HTT: variants seen among roughly 807,000 people sequenced by gnomAD.
The protein encoded by HTT is huntington disease protein.
HTT carries 104 observed loss-of-function variants against 362.3 expected under a neutral mutation model. That is an observed-to-expected ratio of 0.29 (90% confidence interval 0.24 to 0.34). HTT has a LOEUF of 0.34. Ranked by LOEUF, HTT falls within the 10% of genes least tolerant of loss-of-function variation. The pLI, the probability that HTT is intolerant of heterozygous loss-of-function variation, is 1.00. For missense variants in HTT, 3,301 were observed against 3,928.6 expected, an observed-to-expected ratio of 0.84 and a Z score of 4.27; for synonymous variants, 1,577 against 1,548.7, an observed-to-expected ratio of 1.02 and a Z score of -0.43.
At chr4:3,223,636 C>A in intron 55 of HTT, 76 bp downstream of exon 55, 1 of 1,291,758 alleles carries the variant, frequency 7.7e-7, no homozygotes, top group Non-Finnish European at 1.1e-6. Flanking sequence ...AAGCGTCCAG[C>A]AGCTTCAACC....
intron 2 of HTT, 33 bp from the exon 3 acceptor site, chr4:3,099,241 C>T (rs770558856): frequency 1.3e-6 from 2 of 1,491,288 alleles, no homozygotes; most frequent in South Asian, 1.1e-5. Context: ...ACCTTAGGCT[C>T]CTCTTGACAG....
intron 39 of HTT, 147 bp downstream of exon 39, chr4:3,188,033 C>T (rs1039319164): frequency 2.8e-5 from 17 of 607,090 alleles, no homozygotes; most frequent in Middle Eastern, 4.3e-4. Context: ...TTTTCTAATC[C>T]GTCCTGCATT....
chr4:3,147,949 A>G, intron 25 of HTT, 56 bp from the exon 26 acceptor site: 4 of 1,416,698 alleles, frequency 2.8e-6, no homozygotes, highest in Non-Finnish European at 3.9e-6. Flanking sequence ...TCCCCAAGCA[A>G]TTTGTCCTTC....
Position 3,127,318 on chromosome 4 carries a change from C to A in HTT, c.1457C>A (p.Thr486Asn). 12 of 1,614,206 alleles carry A rather than the reference C, an allele frequency of 7.4e-6. No individual in the cohort carries two copies. The highest frequency in any genetic ancestry group is 1.0e-5 in the Non-Finnish European group (12 of 1,180,032). Residue 486 changes from threonine (T) to asparagine (N), a missense_variant, in exon 12 of 67, where the codon ACT (threonine) becomes AAT (asparagine). Coordinates refer to ENST00000355072, the MANE Select transcript of HTT (RefSeq NM_001388492.1). ...GELAASSGVS[T>N]PGSAGHDIIT... ...CTGGCTGCTTCTTCAGGGGTTTCCA[C>A]TCCAGGGTCAGCAGGTCATGACATC...
At chr4:3,113,233 A>T (rs1217844645) in intron 6 of HTT, among the ~76,000 whole-genome samples, 1 of 152,110 alleles carries the variant, frequency 6.6e-6, no homozygotes, top group African/African-American at 2.4e-5. Flanking sequence ...ACTAAATTTT[A>T]TTCTTTATTA....
At chr4:3,209,148 A>G (rs1210336042) in intron 46 of HTT, among the ~76,000 whole-genome samples, 1 of 152,160 alleles carries the variant, frequency 6.6e-6, no homozygotes, top group African/African-American at 2.4e-5. Flanking sequence ...TGGGTGAATC[A>G]AGGAATAGTC....
chr4:3,134,226 T>G (rs363066), intron 18 of HTT, among the ~76,000 whole-genome samples, 175 bp from the exon 19 acceptor site: 35,509 of 152,158 alleles, frequency 0.23, 5,379 homozygotes, highest in East Asian at 0.39. Flanking sequence ...TTGTATTTAC[T>G]GAGATAAAGT....
chr4:3,148,237 A>C, intron 26 of HTT, 30 bp downstream of exon 26: 4 of 1,470,958 alleles, frequency 2.7e-6, no homozygotes, highest in Non-Finnish European at 2.8e-6. Flanking sequence ...CTGGATTCAT[A>C]CAGCCTTAAT....
Position 3,236,461 on chromosome 4 carries a change from T to C in HTT, c.8891+207T>C, listed in dbSNP as rs796581393. 3.3e-5 allele frequency among the ~76,000 whole-genome samples: 5 copies of C among 152,158 alleles called. No homozygotes were observed. The East Asian group carries it at 9.6e-4, about 29-fold the overall frequency. On this transcript the variant is annotated intron_variant, in intron 64 of 66. Coordinates refer to ENST00000355072, the MANE Select transcript of HTT (RefSeq NM_001388492.1). ...TGGACCCCAGCACTCAGGTGTAGCG[T>C]TGACCAGTTCCAAGGTTGTCCCAGT...
At position 3,145,236 on chromosome 4, in the gene HTT, T is replaced by C. The variant is rs1716542385; in HGVS notation, c.3143+8T>C. 1 of 1,561,864 alleles carries C rather than the reference T, an allele frequency of 6.4e-7. No individual in the cohort carries two copies. Among genetic ancestry groups the C allele is most frequent in the Non-Finnish European group, 8.8e-7 (1 of 1,132,358 alleles). On this transcript the variant is annotated splice_region_variant and intron_variant, in intron 24 of 66. Coordinates refer to ENST00000355072, the MANE Select transcript of HTT (RefSeq NM_001388492.1). ...TTTAGGTTGGCACTGTGGGTATGTA[T>C]TTTCCTCAGTATATATTAATAGTTG...
At chr4:3,094,108 T>C (rs1210939763) in intron 2 of HTT, among the ~76,000 whole-genome samples, 2 of 151,126 alleles carry the variant, frequency 1.3e-5, no homozygotes, top group Admixed American at 1.3e-4. Flanking sequence ...GATTAGGGAG[T>C]GGTGATGACT....
At chr4:3,145,046 C>T in intron 23 of HTT, 106 bp from the exon 24 acceptor site, 4 of 866,946 alleles carry the variant, frequency 4.6e-6, no homozygotes, top group East Asian at 2.4e-5. Flanking sequence ...ACACAGATCT[C>T]AGTTTTCTTC....
At chr4:3,115,783 C>T (rs1714991649) in intron 7 of HTT, among the ~76,000 whole-genome samples, 1 of 152,220 alleles carries the variant, frequency 6.6e-6, no homozygotes, top group Non-Finnish European at 1.5e-5. Flanking sequence ...GGTCAGTTGA[C>T]AGTTTCTCCT....
In HTT at chr4:3,132,558, A is replaced by C. The variant is rs1715874902; in HGVS notation, c.2237-4A>C. 1 of 1,613,148 alleles carries C rather than the reference A, an allele frequency of 6.2e-7. No individual in the cohort carries two copies. On this transcript the variant is annotated splice_polypyrimidine_tract_variant and splice_region_variant and intron_variant, in intron 16 of 66. Transcript: ENST00000355072. ...TTCCATGGCTGAGCAATTTATCTCC[A>C]CAGAGGAACAGTATGTCTCAGACAT...
intron 6 of HTT, among the ~76,000 whole-genome samples, chr4:3,110,492 G>A (rs1714686762): frequency 6.6e-6 from 1 of 152,170 alleles, no homozygotes; most frequent in East Asian, 1.9e-4. Context: ...TTCCTTTGCA[G>A]TTCTCCCGTT....
Position 3,236,282 on chromosome 4 carries a change from C to T in HTT, c.8891+28C>T, listed in dbSNP as rs549556899. 10 of 1,460,466 alleles carry T rather than the reference C, an allele frequency of 6.8e-6. No individual in the cohort carries two copies. The East Asian group carries it at 2.0e-4, about 30-fold the overall frequency. 90.5% of individuals were successfully genotyped at this position (1,460,466 alleles called of 1,614,324 possible). A position where few individuals can be genotyped will look rare whatever the true frequency, so the allele number is the denominator to read the frequency against. ...AAGAAGCGAAGCCCCATCCCTCAGC[C>T]GTTAGCTTCCCTAGAACTTTGGCCT... On this transcript the variant is annotated intron_variant, in intron 64 of 66. Coordinates refer to ENST00000355072, the MANE Select transcript of HTT (RefSeq NM_001388492.1).
At chr4:3,191,159 C>CTTTT (rs1718993304) in intron 40 of HTT, among the ~76,000 whole-genome samples, 1 of 86,312 alleles carries the variant, frequency 1.2e-5, no homozygotes, top group African/African-American at 2.8e-5. Context: ...CTTGAGCTTT[C>CTTTT]TTTCTTTCTT....
chr4:3,101,528 C>T (rs1714157668), intron 3 of HTT, among the ~76,000 whole-genome samples: 1 of 152,206 alleles, frequency 6.6e-6, no homozygotes, highest in Non-Finnish European at 1.5e-5. Context: ...CACGTGTGAC[C>T]CCAGGCCAGC....
At chr4:3,224,622 G>A (rs1720825613) in intron 56 of HTT, among the ~76,000 whole-genome samples, 1 of 152,180 alleles carries the variant, frequency 6.6e-6, no homozygotes, top group African/African-American at 2.4e-5. Context: ...CCCTATCACA[G>A]GCATCGGAGC....
Sources: gnomAD v4.1 joint callset for allele counts (sites outside exome capture counted in the v4.1 genomes callset) on GRCh38, gnomAD v4.1.1 for gene constraint, MANE v1.5 for transcripts, NCBI Gene and HGNC (gene_info 2026-07-23, HGNC 2026-07-21) for gene names.